The following PRPF6 variants were observed in gnomAD, a reference collection of about 807,000 sequenced individuals.
The protein encoded by PRPF6 is pre-mRNA-processing factor 6.
PRPF6 carries 42 observed loss-of-function variants against 118.3 expected under a neutral mutation model. The ratio of observed to expected loss-of-function variants is 0.35; its 90% confidence interval spans 0.28 to 0.46. The LOEUF is 0.46. Among genes scored for constraint, PRPF6 ranks in the 20% least tolerant of loss-of-function variants. The pLI is 1.00. For missense variants in PRPF6, 662 were observed against 1,255.7 expected (o/e 0.53, Z 7.15); for synonymous variants, 481 against 485.1 (o/e 0.99, Z 0.11).
At position 64,026,832 on chromosome 20, in the gene PRPF6, T is replaced by G. The variant is rs1285341987; in HGVS notation, c.2029-150T>G. 11 of 812,028 alleles carry G rather than the reference T, an allele frequency of 1.4e-5. No individual in the cohort carries two copies. The highest frequency in any genetic ancestry group is 2.2e-5 in the Non-Finnish European group (11 of 495,184). The allele number at this position is 812,028 out of a possible 1,614,324, so 50.3% of individuals were successfully genotyped here. ...AACAAAACAAAACAAAAACATATAT[T>G]TATCCCCACCTTTTGTGTACACAAA... On this transcript the variant is annotated intron_variant, in intron 15 of 20. Coordinates refer to ENST00000266079, the MANE Select transcript of PRPF6 (RefSeq NM_012469.4). The surrounding 1 kb of genome is among the most constrained non-coding windows in gnomAD (Gnocchi z 4.4).
chr20:64,024,591 C>G lies in PRPF6; in HGVS notation c.1806C>G (p.Ala602=). 1 of 1,613,670 alleles carries G rather than the reference C, an allele frequency of 6.2e-7. No homozygotes were observed. The highest frequency in any genetic ancestry group is 1.3e-5 in the African/African-American group (1 of 75,040). ...AAGCACTCCTGCAGAGGGCTGTGGC[C>G]CACTGCCCCAAAGCAGAGGTGCTGT... ...SLEALLQRAV[A]HCPKAEVLWL... is the part of the protein sequence containing the mutation. Residue 602 remains alanine, a synonymous_variant, in exon 14 of 21, where the codon GCC becomes GCG. Coordinates refer to ENST00000266079, the MANE Select transcript of PRPF6 (RefSeq NM_012469.4).
chr20:64,031,506 C>G (rs1179271201), intron 19 of PRPF6, among the ~76,000 whole-genome samples: 1 of 151,988 alleles, frequency 6.6e-6, no homozygotes, highest in African/African-American at 2.4e-5. Context: ...AACCCCATCT[C>G]TACTAAAAAT....
chr20:64,021,985 G>A (rs1405342514), intron 12 of PRPF6, among the ~76,000 whole-genome samples: 3 of 120,864 alleles, frequency 2.5e-5, no homozygotes, highest in Non-Finnish European at 5.0e-5. Context: ...CTCGGCCACA[G>A]CCCTGTGTGT....
In PRPF6 at chr20:64,027,523, G is replaced by A. The variant is rs1253415030; in HGVS notation, c.2206-80G>A. 6.3e-7 allele frequency: 1 copy of A among 1,595,432 alleles called. No homozygotes were observed. The highest frequency in any genetic ancestry group is 2.2e-5 in the East Asian group (1 of 44,784). ...GCCCTGAGGGACTCGGTCACCCACT[G>A]CAGATGAGAAGCTGGGCATGGCTGT... On this transcript the variant is annotated intron_variant, in intron 16 of 20. Transcript: ENST00000266079. The surrounding 1 kb of genome is among the most constrained non-coding windows in gnomAD (Gnocchi z 6.5).
chr20:64,027,545 C>T lies in PRPF6; in HGVS notation c.2206-58C>T. On this transcript the variant is annotated intron_variant, in intron 16 of 20. Transcript: ENST00000266079. This position sits in a 1 kb window ranked among gnomAD's most constrained non-coding sequence, Gnocchi z 6.5. ...ACTGCAGATGAGAAGCTGGGCATGG[C>T]TGTGTCCCAGTTCTTCATAGACACC... The T allele has an allele frequency of 1.2e-6, 2 of 1,612,084 alleles. No individual in the cohort carries two copies. The highest frequency in any genetic ancestry group is 1.7e-6 in the Non-Finnish European group (2 of 1,178,408).
At chr20:63,989,188 TACAGAAGAATGAA>T (rs1245928344) in intron 3 of PRPF6, among the ~76,000 whole-genome samples, 4 of 152,144 alleles carry the variant, frequency 2.6e-5, no homozygotes, top group African/African-American at 9.7e-5. Flanking sequence ...GATATCTATA[TACAGAAGAATGAA>T]ACTAGACCCC....
intron 6 of PRPF6, among the ~76,000 whole-genome samples, chr20:63,996,362 A>G (rs1014092923): frequency 6.6e-6 from 1 of 152,056 alleles, no homozygotes; most frequent in African/African-American, 2.4e-5. Context: ...AACAAAAACA[A>G]AAAGTGGCAC....
Position 64,028,644 on chromosome 20 carries a change from G to T in PRPF6, c.2431+75G>T, listed in dbSNP as rs2059302273. 3 of 1,530,966 alleles carry T rather than the reference G, an allele frequency of 2.0e-6. No homozygotes were observed. The highest frequency in any genetic ancestry group is 2.7e-6 in the Non-Finnish European group (3 of 1,121,910). The allele number at this position is 1,530,966 out of a possible 1,614,324, so 94.8% of individuals were successfully genotyped here. A position where few individuals can be genotyped will look rare whatever the true frequency, so the allele number is the denominator to read the frequency against. ...GGGGTGCCTTGACTCCGGTAAGGGG[G>T]TGCTTCCTGGCTTCCCAGACTCCGC... On this transcript the variant is annotated intron_variant, in intron 18 of 20. Transcript: ENST00000266079. The surrounding 1 kb of genome is among the most constrained non-coding windows in gnomAD (Gnocchi z 6.5).
intron 3 of PRPF6, among the ~76,000 whole-genome samples, chr20:63,988,103 T>G (rs1005187297): frequency 1.3e-5 from 2 of 151,972 alleles, no homozygotes; most frequent in Non-Finnish European, 2.9e-5. Context: ...GTGGATCACT[T>G]GAGGTCAGGA....
chr20:63,985,085 C>T, intron 3 of PRPF6, 60 bp downstream of exon 3: 3 of 1,363,440 alleles, frequency 2.2e-6, no homozygotes, highest in Non-Finnish European at 3.1e-6. Flanking sequence ...GTTTTGTGGC[C>T]AGGCGCAGTG....
Position 64,029,324 on chromosome 20 carries a change from T to C in PRPF6, c.2432-53T>C. 1 of 1,551,074 alleles carries C rather than the reference T, an allele frequency of 6.4e-7. No homozygotes were observed. The highest frequency in any genetic ancestry group is 8.9e-7 in the Non-Finnish European group (1 of 1,123,954). ...TTAGAATCTGTAGGCTGGGCACCTTTCCGGAACCAGAGGCTGGAGTGCAAA... is the reference window on the plus strand; with the variant it reads ...TTAGAATCTGTAGGCTGGGCACCTTCCCGGAACCAGAGGCTGGAGTGCAAA... On this transcript the variant is annotated intron_variant, in intron 18 of 20. Coordinates refer to ENST00000266079, the MANE Select transcript of PRPF6 (RefSeq NM_012469.4). The surrounding 1 kb of genome is among the most constrained non-coding windows in gnomAD (Gnocchi z 4.8).
intron 12 of PRPF6, among the ~76,000 whole-genome samples, chr20:64,019,036 A>T (rs1361077493): frequency 1.3e-5 from 2 of 150,536 alleles, no homozygotes; most frequent in African/African-American, 4.9e-5. Context: ...TAAAATACAC[A>T]CATCAATCCT....
At chr20:63,982,415 C>A (rs1465382066) in intron 1 of PRPF6, among the ~76,000 whole-genome samples, 1 of 152,158 alleles carries the variant, frequency 6.6e-6, no homozygotes, top group Non-Finnish European at 1.5e-5. Context: ...CATGATCCAC[C>A]CGCCTCCGTC....
rs1400525012 is a variant in PRPF6, at chr20:64,029,223, C to T, written c.2432-154C>T. On this transcript the variant is annotated intron_variant, in intron 18 of 20. Coordinates refer to ENST00000266079, the MANE Select transcript of PRPF6 (RefSeq NM_012469.4). The surrounding 1 kb of genome is among the most constrained non-coding windows in gnomAD (Gnocchi z 4.8). ...GTTTTGGGTGGGCCAGAGTGCTCAT[C>T]CTTTGTGGTTCTCCTTGCACAAGTT... is the stretch of plus-strand genomic sequence containing the variant. Among the ~76,000 whole-genome samples, 1 of 152,144 alleles carries T rather than the reference C, an allele frequency of 6.6e-6. No individual in the cohort carries two copies. The highest frequency in any genetic ancestry group is 1.5e-5 in the Non-Finnish European group (1 of 68,022).
chr20:63,990,791 T>G (rs2059115422), intron 3 of PRPF6, among the ~76,000 whole-genome samples: 1 of 152,000 alleles, frequency 6.6e-6, no homozygotes, highest in African/African-American at 2.4e-5. Context: ...ATTACAGGCA[T>G]GCACCGCCAC....
rs147189959 is a variant in PRPF6 at position 63,993,268 on chromosome 20, GTATA to G, written c.360-123_360-120del. The G allele has an allele frequency of 2.4e-4, 79 of 332,942 alleles. 1 individual carries two copies. The highest frequency in any genetic ancestry group is 2.2e-3 in the Middle Eastern group (2 of 920). The allele number at this position is 332,942 out of a possible 1,614,324, so 20.6% of individuals were successfully genotyped here. A position where few individuals can be genotyped will look rare whatever the true frequency, so the allele number is the denominator to read the frequency against. ...TGTGTGTGTGTGTGTGTGTGTATATGTATATATATATATATATATTTGATTTAGC... is the reference window on the plus strand; with the variant it reads ...TGTGTGTGTGTGTGTGTGTGTATATGTATATATATATATATTTGATTTAGC... On this transcript the variant is annotated intron_variant, in intron 3 of 20. Coordinates refer to ENST00000266079, the MANE Select transcript of PRPF6 (RefSeq NM_012469.4).
In PRPF6 at chr20:64,027,053, G is replaced by A; in HGVS notation, c.2100G>A (p.Glu700=). 1.2e-6 allele frequency: 2 copies of A among 1,614,080 alleles called. No individual in the cohort carries two copies. The highest frequency in any genetic ancestry group is 1.7e-6 in the Non-Finnish European group (2 of 1,180,028). Residue 700 remains glutamate, a synonymous_variant, in exon 16 of 21, where the codon GAG becomes GAA. Coordinates refer to ENST00000266079, the MANE Select transcript of PRPF6 (RefSeq NM_012469.4). This position sits in a 1 kb window ranked among gnomAD's most constrained non-coding sequence, Gnocchi z 6.5. ...NIRAAQDLCE[E]ALRHYEDFPK... ...GGGCAGCCCAAGATCTGTGCGAGGA[G>A]GCCCTGCGGCACTATGAGGACTTCC...
At chr20:63,992,915 C>A (rs934998718) in intron 3 of PRPF6, among the ~76,000 whole-genome samples, 16 of 151,668 alleles carry the variant, frequency 1.1e-4, no homozygotes, top group Non-Finnish European at 1.8e-4. Flanking sequence ...TTCATAGTTA[C>A]CTTAAAATAT....
intron 19 of PRPF6, among the ~76,000 whole-genome samples, chr20:64,031,220 G>C (rs1009443165): frequency 6.6e-6 from 1 of 152,262 alleles, no homozygotes; most frequent in African/African-American, 2.4e-5. Flanking sequence ...GAGGCCGGGT[G>C]GGGCAGGATG....
Sources: gnomAD v4.1 joint callset for allele counts (sites outside exome capture counted in the v4.1 genomes callset) on GRCh38, gnomAD v4.1.1 for gene constraint, Gnocchi (gnomAD v3.1) non-coding constraint, MANE v1.5 for transcripts, NCBI Gene and HGNC (gene_info 2026-07-23, HGNC 2026-07-21) for gene names.